Variants in GRIN2A observed in about 807,000 individuals in gnomAD.
GRIN2A encodes the protein glutamate receptor ionotropic, NMDA 2A.
In GRIN2A, 22 loss-of-function variants were observed where a neutral mutation model predicts 113.4. The ratio of observed to expected loss-of-function variants is 0.19; its 90% CI spans 0.14 to 0.28. GRIN2A has a LOEUF of 0.28. GRIN2A is among the 10% of genes least tolerant of loss of function. The probability of loss-of-function intolerance (pLI) is 1.00; values close to 1 mark genes in which losing one functional copy is unlikely to be tolerated. For synonymous variants in GRIN2A, 827 were observed against 738.4 expected, an observed-to-expected ratio of 1.12 and a Z score of -1.94; for missense variants, 1,502 against 1,887.0, an observed-to-expected ratio of 0.80 and a Z score of 3.78.
chr16:10,111,660 C>A, intron 2 of GRIN2A: 3 of 1,560,282 alleles, frequency 1.9e-6, no homozygotes, highest in African/African-American at 1.4e-5. Context: ...TCATTCACCA[C>A]AACTGCACCC....
At chr16:10,152,927 G>A (rs1254301397) in intron 2 of GRIN2A, among the ~76,000 whole-genome samples, 2 of 152,188 alleles carry the variant, frequency 1.3e-5, no homozygotes, top group Non-Finnish European at 2.9e-5. Flanking sequence ...GTTGCCAGGA[G>A]GTAGGGGCTT....
At chr16:9,806,859 A>G (rs1406231193) in intron 10 of GRIN2A, among the ~76,000 whole-genome samples, 1 of 152,076 alleles carries the variant, frequency 6.6e-6, no homozygotes, top group South Asian at 2.1e-4. Context: ...TGCCCACCCA[A>G]ATCTCATCTT....
intron 2 of GRIN2A, among the ~76,000 whole-genome samples, chr16:10,101,611 C>T (rs912078762): frequency 2.6e-5 from 4 of 152,194 alleles, no homozygotes; most frequent in Non-Finnish European, 5.9e-5. Flanking sequence ...CTCTGGCCAA[C>T]ACCTCTCAAT....
chr16:9,857,051 G>A lies in GRIN2A; in HGVS notation c.1123-7090C>T, dbSNP rs543691313. 1.8e-4 allele frequency among the ~76,000 whole-genome samples: 27 copies of A among 152,250 alleles called. 1 individual carries two copies. Among genetic ancestry groups the A allele is most frequent in the Admixed American group, 1.3e-3 (20 of 15,286 alleles). On this transcript the variant is annotated intron_variant, in intron 4 of 12. Coordinates refer to ENST00000330684, the MANE Select transcript of GRIN2A (RefSeq NM_001134407.3). The stretch of plus-strand genomic sequence containing the variant: ...CTACCTGTGTCGTCTTATAACCTCG[G>A]TGTAATTATAAGAAAACTATCAGAA...
chr16:10,116,214 C>A (rs1169246023), intron 2 of GRIN2A, among the ~76,000 whole-genome samples: 1 of 152,178 alleles, frequency 6.6e-6, no homozygotes, highest in Non-Finnish European at 1.5e-5. Context: ...CAAACCAACA[C>A]AGGAACAGAA....
At chr16:10,056,908 T>C (rs923436509) in intron 2 of GRIN2A, among the ~76,000 whole-genome samples, 1 of 152,116 alleles carries the variant, frequency 6.6e-6, no homozygotes, top group Non-Finnish European at 1.5e-5. Context: ...TGCAGGACTT[T>C]GTTGAGCAGC....
intron 2 of GRIN2A, among the ~76,000 whole-genome samples, chr16:10,006,361 A>C (rs1462241757): frequency 6.6e-6 from 1 of 152,216 alleles, no homozygotes; most frequent in African/African-American, 2.4e-5. Context: ...GCTGTGTGCA[A>C]GACAAAATGG....
At chr16:9,875,136 A>T (rs2043339276) in intron 4 of GRIN2A, among the ~76,000 whole-genome samples, 1 of 151,768 alleles carries the variant, frequency 6.6e-6, no homozygotes, top group Non-Finnish European at 1.5e-5. Flanking sequence ...AGCTGGGACT[A>T]CAGGTGGCTC....
At chr16:9,942,036 G>C (rs774086776) in intron 2 of GRIN2A, among the ~76,000 whole-genome samples, 13 of 152,220 alleles carry the variant, frequency 8.5e-5, no homozygotes, top group Middle Eastern at 6.8e-3. Flanking sequence ...TGATTCTCTT[G>C]TATCAAAACA....
intron 10 of GRIN2A, among the ~76,000 whole-genome samples, chr16:9,801,360 A>T (rs1046682087): frequency 5.3e-5 from 8 of 152,076 alleles, no homozygotes; most frequent in African/African-American, 1.9e-4. Flanking sequence ...ATAAACATAT[A>T]CACACACACA....
At position 9,757,894 on chromosome 16, in the gene GRIN2A, C is replaced by T. The variant is rs1900420970; in HGVS notation, c.*5255G>A. 1 of 225,798 alleles carries T rather than the reference C, an allele frequency of 4.4e-6. No individual in the cohort carries two copies. Among genetic ancestry groups the T allele is most frequent in the Non-Finnish European group, 8.8e-6 (1 of 113,274 alleles). 14.0% of individuals were successfully genotyped at this position (225,798 alleles called of 1,614,324 possible). On this transcript the variant is annotated 3_prime_UTR_variant, in exon 13 of 13. Transcript: ENST00000330684. The stretch of plus-strand genomic sequence containing the variant: ...GGCAAAAACAAAAAACAAAACAAAA[C>T]AAAAACCAGGGCAGCCTTATGGGGA...
chr16:9,876,558 C>T lies in GRIN2A; in HGVS notation c.1122+14428G>A, dbSNP rs1487038226. Among the ~76,000 whole-genome samples the T allele has an allele frequency of 2.6e-5, 4 of 152,128 alleles. 1 individual carries two copies. The East Asian group carries it at 5.8e-4, about 22-fold the overall frequency. ...TCTTTTCCCATTCCTTTGACTCTGC[C>T]GGATTTTGTAGCCCCCACAGCCTGG... On this transcript the variant is annotated intron_variant, in intron 4 of 12. Coordinates refer to ENST00000330684, the MANE Select transcript of GRIN2A (RefSeq NM_001134407.3).
At position 9,849,708 on chromosome 16, in the gene GRIN2A, A is replaced by G. The variant is rs575073143; in HGVS notation, c.1328+48T>C. On this transcript the variant is annotated intron_variant, in intron 5 of 12. Coordinates refer to ENST00000330684, the MANE Select transcript of GRIN2A (RefSeq NM_001134407.3). ...ATTGTTACTATCGATGATCCATGCT[A>G]TTTCAAAGGGTTGGGCACGTTCAGG... 1.5e-4 allele frequency: 203 copies of G among 1,347,398 alleles called. 2 individuals are homozygous for G. The South Asian group carries it at 2.2e-3, about 15-fold the overall frequency. The allele number at this position is 1,347,398 out of a possible 1,614,324, so 83.5% of individuals were successfully genotyped here.
intron 10 of GRIN2A, among the ~76,000 whole-genome samples, chr16:9,817,570 T>C (rs2042208347): frequency 6.6e-6 from 1 of 152,214 alleles, no homozygotes; most frequent in South Asian, 2.1e-4. Flanking sequence ...TGAACTAGTT[T>C]AGAGATCAAA....
intron 2 of GRIN2A, among the ~76,000 whole-genome samples, chr16:10,006,000 T>G (rs918006328): frequency 3.3e-5 from 5 of 152,254 alleles, no homozygotes; most frequent in African/African-American, 1.2e-4. Context: ...TGGCCAGCAC[T>G]GAGCAAAGAC....
Position 9,755,863 on chromosome 16 carries a change from A to T in GRIN2A, c.*7286T>A, listed in dbSNP as rs1212052782. 4.9e-6 allele frequency: 1 copy of T among 204,176 alleles called. No homozygotes were observed. The highest frequency in any genetic ancestry group is 2.3e-5 in the African/African-American group (1 of 43,690). 12.6% of individuals were successfully genotyped at this position (204,176 alleles called of 1,614,324 possible). Reference sequence around the variant, plus strand: ...TAAGACAATTTGGAAAAGAAAAAAAAAAAGGAACAGACCAAGAAGGAAAAC... The same window carrying T: ...TAAGACAATTTGGAAAAGAAAAAAATAAAGGAACAGACCAAGAAGGAAAAC... On this transcript the variant is annotated 3_prime_UTR_variant, in exon 13 of 13. Transcript: ENST00000330684.
At chr16:10,045,584 T>C (rs1420958119) in intron 2 of GRIN2A, among the ~76,000 whole-genome samples, 2 of 152,196 alleles carry the variant, frequency 1.3e-5, no homozygotes, top group Non-Finnish European at 2.9e-5. Flanking sequence ...GCAGTGAGCC[T>C]GATGAAGATA....
In GRIN2A at chr16:9,852,145, C is replaced by T. The variant is rs552027851; in HGVS notation, c.1123-2184G>A. Among the ~76,000 whole-genome samples, 12 of 152,294 alleles carry T rather than the reference C, an allele frequency of 7.9e-5. 1 individual carries two copies. Among genetic ancestry groups the T allele is most frequent in the East Asian group, 5.8e-4 (3 of 5,180 alleles). On this transcript the variant is annotated intron_variant, in intron 4 of 12. Coordinates refer to ENST00000330684, the MANE Select transcript of GRIN2A (RefSeq NM_001134407.3). ...ATGGTAAGCATTATTATTCCAACTT[C>T]GTAGTTCAGGAAACTGAAACACAGA... is the stretch of plus-strand genomic sequence containing the variant.
intron 2 of GRIN2A, among the ~76,000 whole-genome samples, chr16:9,968,071 G>T (rs538796191): frequency 4.3e-4 from 66 of 152,108 alleles, no homozygotes; most frequent in African/African-American, 1.5e-3. Flanking sequence ...GTGGGTAGGC[G>T]TTATTATTGC....
Sources: allele counts gnomAD v4.1 joint callset (sites outside exome capture counted in the v4.1 genomes callset), GRCh38; gene constraint gnomAD v4.1.1; transcripts MANE v1.5; gene names NCBI Gene and HGNC (gene_info 2026-07-23, HGNC 2026-07-21).